PDE1C: variants seen among roughly 807,000 people sequenced by gnomAD.
PDE1C encodes dual specificity calcium/calmodulin-dependent 3',5'-cyclic nucleotide phosphodiesterase 1C.
PDE1C carries 62 observed loss-of-function variants against 93.1 expected under a neutral mutation model. That is an observed-to-expected ratio of 0.67 (90% confidence interval 0.54 to 0.82). The LOEUF is 0.82. PDE1C is among the 40% of genes least tolerant of loss of function. The probability of loss-of-function intolerance (pLI) is 0.00; values close to 1 mark genes in which losing one functional copy is unlikely to be tolerated. For synonymous variants in PDE1C, 325 were observed against 310.1 expected, an observed-to-expected ratio of 1.05 and a Z score of -0.50; for missense variants, 742 against 884.6, an observed-to-expected ratio of 0.84 and a Z score of 2.04.
intron 3 of PDE1C, among the ~76,000 whole-genome samples, chr7:32,157,610 T>C (rs780225464): frequency 6.6e-6 from 1 of 152,210 alleles, no homozygotes; most frequent in African/African-American, 2.4e-5. Flanking sequence ...ACAGACTGTA[T>C]ATTAGATAAT....
chr7:31,766,516 T>C (rs989813230), intron 17 of PDE1C, among the ~76,000 whole-genome samples: 1 of 152,250 alleles, frequency 6.6e-6, no homozygotes, highest in African/African-American at 2.4e-5. Context: ...TAAACATTTT[T>C]TGAAAGAAAT....
chr7:32,012,675 T>A (rs1381623445), intron 2 of PDE1C, among the ~76,000 whole-genome samples: 1 of 152,198 alleles, frequency 6.6e-6, no homozygotes, highest in African/African-American at 2.4e-5. Flanking sequence ...GGATATGATC[T>A]TTATCCTGAA....
chr7:31,880,251 T>C (rs892681642), intron 3 of PDE1C, among the ~76,000 whole-genome samples: 1 of 152,202 alleles, frequency 6.6e-6, no homozygotes, highest in Admixed American at 6.5e-5. Flanking sequence ...TACGTTTAGA[T>C]AATTCAAGTG....
rs143852100 is a variant in PDE1C at position 32,371,733 on chromosome 7, A to T, written c.310+56089T>A. 4.6e-5 allele frequency among the ~76,000 whole-genome samples: 7 copies of T among 152,364 alleles called. No individual in the cohort carries two copies. The East Asian group carries it at 1.2e-3, about 25-fold the overall frequency. On this transcript the variant is annotated intron_variant, in intron 1 of 1. Coordinates refer to the PDE1C transcript ENST00000672256. ...ATAAATGGAAAAACATTCTATGTTCATGGACGAAAAGATTTAATATTATTA... is the reference window on the plus strand; with the variant it reads ...ATAAATGGAAAAACATTCTATGTTCTTGGACGAAAAGATTTAATATTATTA...
Position 31,957,617 on chromosome 7 carries a change from AAC to A in PDE1C, c.129-76759_129-76758del, listed in dbSNP as rs371141209. On this transcript the variant is annotated intron_variant, in intron 2 of 17. Transcript: ENST00000396191. ...TAATTCTTTCTTTTTTTTATATATC[AAC>A]AGTGTCATTTTTTAAAAATGGGAAA... 2.2e-3 allele frequency among the ~76,000 whole-genome samples: 337 copies of A among 152,314 alleles called. 2 individuals carry two copies. Among genetic ancestry groups the A allele is most frequent in the African/African-American group, 7.8e-3 (323 of 41,570 alleles).
intron 2 of PDE1C, among the ~76,000 whole-genome samples, chr7:31,918,995 C>T (rs570283103): frequency 6.6e-5 from 10 of 152,268 alleles, no homozygotes; most frequent in Middle Eastern, 3.4e-3. Context: ...GATCAGGTTA[C>T]GTGCAAATAA....
chr7:31,626,448 G>A, the PDE1C span, among the ~76,000 whole-genome samples: 1 of 152,280 alleles, frequency 6.6e-6, no homozygotes, highest in South Asian at 2.1e-4. Flanking sequence ...TTAGATAGAA[G>A]TAAGTTTTCC....
chr7:31,721,830 G>C, the PDE1C span, among the ~76,000 whole-genome samples: 1 of 152,310 alleles, frequency 6.6e-6, no homozygotes, highest in African/African-American at 2.4e-5. Context: ...TGAACCTAAA[G>C]GGGCTGGAAG....
chr7:32,162,136 G>C (rs1405247444), intron 3 of PDE1C, among the ~76,000 whole-genome samples: 2 of 152,180 alleles, frequency 1.3e-5, no homozygotes, highest in Admixed American at 1.3e-4. Flanking sequence ...TTATCCTTAT[G>C]TTGTAGTTTC....
At chr7:32,134,235 A>T (rs1458040344) in intron 3 of PDE1C, among the ~76,000 whole-genome samples, 1 of 152,100 alleles carries the variant, frequency 6.6e-6, no homozygotes, top group Non-Finnish European at 1.5e-5. Context: ...GAAAATAATA[A>T]AAAAGATGCC....
chr7:32,330,752 T>C (rs752318962), intron 1 of PDE1C, among the ~76,000 whole-genome samples: 1 of 152,138 alleles, frequency 6.6e-6, no homozygotes, highest in Non-Finnish European at 1.5e-5. Flanking sequence ...TGGCAGGGCA[T>C]GGGAACAGGA....
intron 2 of PDE1C, among the ~76,000 whole-genome samples, chr7:32,199,803 C>T (rs1315038969): frequency 6.6e-6 from 1 of 152,042 alleles, no homozygotes; most frequent in Admixed American, 6.6e-5. Context: ...ACCTAAAATG[C>T]TCCAAAATTC....
chr7:32,420,116 T>C (rs1370624901), intron 1 of PDE1C, among the ~76,000 whole-genome samples: 1 of 29,588 alleles, frequency 3.4e-5, no homozygotes, highest in African/African-American at 1.1e-4. Flanking sequence ...TATATATATA[T>C]ATATATATAC....
chr7:31,792,460 C>T (rs548496004), intron 16 of PDE1C, among the ~76,000 whole-genome samples: 1 of 152,106 alleles, frequency 6.6e-6, no homozygotes, highest in South Asian at 2.1e-4. Context: ...TTGACTTTCA[C>T]AGCATGAAAC....
At chr7:32,374,450 C>T (rs1020311422) in intron 1 of PDE1C, among the ~76,000 whole-genome samples, 2 of 152,236 alleles carry the variant, frequency 1.3e-5, no homozygotes, top group African/African-American at 4.8e-5. Flanking sequence ...AACATTCACA[C>T]TTGGTGGCAT....
intron 1 of PDE1C, among the ~76,000 whole-genome samples, chr7:32,257,026 T>C (rs927857246): frequency 1.3e-5 from 2 of 152,206 alleles, no homozygotes; most frequent in African/African-American, 2.4e-5. Context: ...TCCACAAGCA[T>C]ATGCCCAGCA....
In PDE1C at chr7:31,808,288, CTTT is replaced by C. The variant is rs565917654; in HGVS notation, c.1891+740_1891+742del. ...TCTCTCAAAAACCACTCCGTGGAAA[CTTT>C]AATTTTTAGCTTAATATGATGTCTG... On this transcript the variant is annotated intron_variant, in intron 16 of 17. Transcript: ENST00000396191. The C allele has an allele frequency of 1.5e-3, 554 of 378,868 alleles. 1 individual carries two copies. The highest frequency in any genetic ancestry group is 0.012 in the African/African-American group (519 of 44,868). The allele number at this position is 378,868 out of a possible 1,614,324, so 23.5% of individuals were successfully genotyped here. A position where few individuals can be genotyped will look rare whatever the true frequency, so the allele number is the denominator to read the frequency against.
At chr7:32,192,060 A>C (rs1804273657) in intron 2 of PDE1C, among the ~76,000 whole-genome samples, 1 of 152,090 alleles carries the variant, frequency 6.6e-6, no homozygotes. Context: ...TTCAAAATGC[A>C]TCGTTTGCTT....
At chr7:32,068,143 A>T (rs936187854) in intron 1 of PDE1C, among the ~76,000 whole-genome samples, 10 of 152,224 alleles carry the variant, frequency 6.6e-5, no homozygotes, top group African/African-American at 2.2e-4. Context: ...ATGGTAATAT[A>T]TTGGTATGAA....
Sources: gnomAD v4.1 joint callset for allele counts (sites outside exome capture counted in the v4.1 genomes callset) on GRCh38, gnomAD v4.1.1 for gene constraint, MANE v1.5 for transcripts, NCBI Gene and HGNC (gene_info 2026-07-23, HGNC 2026-07-21) for gene names.